TYR: variants seen among roughly 807,000 people sequenced by gnomAD.
TYR encodes tyrosinase, also known as LB24-AB.
TYR carries 58 observed loss-of-function variants against 51.5 expected under a neutral mutation model. The ratio of observed to expected loss-of-function variants is 1.13; its 90% CI spans 0.91 to 1.40. TYR has a LOEUF of 1.40. Ranked by LOEUF, TYR falls within the 40% of genes most tolerant of loss-of-function variation. TYR has a pLI of 0.00. For synonymous variants in TYR, 263 were observed against 235.2 expected, an observed-to-expected ratio of 1.12 and a Z score of -1.08; for missense variants, 732 against 647.4, an observed-to-expected ratio of 1.13 and a Z score of -1.42.
chr11:89,258,744 G>A (rs755626238), intron 3 of TYR, among the ~76,000 whole-genome samples: 1 of 152,012 alleles, frequency 6.6e-6, no homozygotes, highest in Non-Finnish European at 1.5e-5. Context: ...CCTTTGCATA[G>A]GTTCAACAAT....
intron 2 of TYR, among the ~76,000 whole-genome samples, chr11:89,203,414 T>C (rs1399250667): frequency 1.3e-5 from 2 of 152,168 alleles, no homozygotes; most frequent in Non-Finnish European, 2.9e-5. Flanking sequence ...TCAGAGTAGG[T>C]ATCTAAAAGA....
chr11:89,183,475 T>A (rs1943328035), intron 1 of TYR, among the ~76,000 whole-genome samples: 1 of 152,040 alleles, frequency 6.6e-6, no homozygotes, highest in African/African-American at 2.4e-5. Flanking sequence ...TGTGTGCTAA[T>A]AGGAGGATTA....
At position 89,295,135 on chromosome 11, in the gene TYR, T is replaced by G. The variant is rs750626209; in HGVS notation, c.1367-8T>G. ...CAATAAAAACAATGGGATGTCTTTT[T>G]ATTTCAGACCCAGACTCTTTTCAAG... On this transcript the variant is annotated splice_polypyrimidine_tract_variant and splice_region_variant and intron_variant, in intron 4 of 4. Coordinates refer to ENST00000263321, the MANE Select transcript of TYR (RefSeq NM_000372.5). 2.5e-6 allele frequency: 4 copies of G among 1,613,708 alleles called. No individual in the cohort carries two copies. In the East Asian group the frequency reaches 8.9e-5, roughly 36 times the overall value.
intron 2 of TYR, among the ~76,000 whole-genome samples, chr11:89,204,536 A>T (rs1390848248): frequency 6.6e-6 from 1 of 151,748 alleles, no homozygotes; most frequent in Non-Finnish European, 1.5e-5. Context: ...CTCAGATTGC[A>T]GGTGCCCACC....
Position 89,288,887 on chromosome 11 carries a change from AATT to A in TYR, c.1366+3937_1366+3939del, listed in dbSNP as rs202194629. Among the ~76,000 whole-genome samples the A allele has an allele frequency of 7.9e-3, 1,199 of 152,174 alleles. 18 individuals are homozygous for A. The highest frequency in any genetic ancestry group is 0.027 in the African/African-American group (1,137 of 41,554). ...TAGCTAAATTTTAAGCTTACTAAAA[AATT>A]ATTTAAGATTTCTTGATATAATTTT... On this transcript the variant is annotated intron_variant, in intron 4 of 4. Transcript: ENST00000263321.
rs540568715 is a variant in TYR at position 89,291,476 on chromosome 11, G to T, written c.1367-3667G>T. 5.9e-5 allele frequency among the ~76,000 whole-genome samples: 9 copies of T among 151,880 alleles called. No homozygotes were observed. The South Asian group carries it at 1.0e-3, about 18-fold the overall frequency. On this transcript the variant is annotated intron_variant, in intron 4 of 4. Coordinates refer to ENST00000263321, the MANE Select transcript of TYR (RefSeq NM_000372.5). ...TGCTTTCTAATTGTATCAGTAAAAA[G>T]ACTTTTTTTTTATTTTGGAAAATTA...
intron 3 of TYR, among the ~76,000 whole-genome samples, chr11:89,249,645 A>C (rs1236050201): frequency 6.6e-6 from 1 of 152,070 alleles, no homozygotes; most frequent in Non-Finnish European, 1.5e-5. Context: ...AGCAGATTCT[A>C]AACAAAACTT....
At chr11:89,183,996 C>T (rs1943334448) in intron 1 of TYR, among the ~76,000 whole-genome samples, 1 of 152,052 alleles carries the variant, frequency 6.6e-6, no homozygotes, top group Non-Finnish European at 1.5e-5. Flanking sequence ...GCTTAAGTAA[C>T]TTGCCCAAGG....
chr11:89,209,543 A>G (rs532113008), intron 2 of TYR, among the ~76,000 whole-genome samples: 7 of 152,220 alleles, frequency 4.6e-5, no homozygotes, highest in Non-Finnish European at 7.3e-5. Flanking sequence ...ATATCTGAAC[A>G]AAAGGCATCA....
chr11:89,253,718 C>G (rs1330306646), intron 3 of TYR, among the ~76,000 whole-genome samples: 1 of 151,564 alleles, frequency 6.6e-6, no homozygotes, highest in Admixed American at 6.6e-5. Context: ...ATTCTAGGAG[C>G]TTTTTGGAAG....
At chr11:89,179,909 T>C (rs969592967) in intron 1 of TYR, among the ~76,000 whole-genome samples, 1 of 152,306 alleles carries the variant, frequency 6.6e-6, no homozygotes. Context: ...TACAGCACTT[T>C]TGACTAGCAA....
At chr11:89,270,959 T>A (rs1944580968) in intron 3 of TYR, among the ~76,000 whole-genome samples, 2 of 151,764 alleles carry the variant, frequency 1.3e-5, no homozygotes, top group Admixed American at 1.3e-4. Context: ...ATCAAATAAC[T>A]GCAATGCAAT....
chr11:89,278,518 G>C (rs1360824428), intron 3 of TYR, among the ~76,000 whole-genome samples: 1 of 151,540 alleles, frequency 6.6e-6, no homozygotes, highest in African/African-American at 2.4e-5. Flanking sequence ...GTGTGCTCAT[G>C]GTGGTGGTAG....
chr11:89,226,406 C>A (rs1943977480), intron 2 of TYR, among the ~76,000 whole-genome samples: 1 of 152,064 alleles, frequency 6.6e-6, no homozygotes, highest in African/African-American at 2.4e-5. Flanking sequence ...AATTTCTACA[C>A]AGATTAAGTG....
In TYR at chr11:89,191,245, T is replaced by C. The variant is rs1463109821; in HGVS notation, c.863T>C (p.Leu288Ser). 3.7e-6 allele frequency: 6 copies of C among 1,613,508 alleles called. No individual in the cohort carries two copies. Among genetic ancestry groups the C allele is most frequent in the South Asian group, 2.2e-5 (2 of 91,088 alleles). Residue 288 changes from leucine to serine, a missense_variant, in exon 2 of 5, where the codon TTA becomes TCA. Coordinates refer to ENST00000263321, the MANE Select transcript of TYR (RefSeq NM_000372.5). ...GAGGAGTACAACAGCCATCAGTCTT[T>C]ATGCAATGGAACGCCCGAGGGACCT... ...RLEEYNSHQSLCNGTPEGPLR... is the reference protein window; with the variant it reads ...RLEEYNSHQSSCNGTPEGPLR...
intron 2 of TYR, among the ~76,000 whole-genome samples, chr11:89,208,802 T>C (rs548447004): frequency 1.1e-4 from 16 of 152,362 alleles, no homozygotes; most frequent in Admixed American, 2.0e-4. Context: ...TGTTTTTATT[T>C]ATCCACCAGC....
Position 89,227,593 on chromosome 11 carries a change from T to C in TYR, c.1037-230T>C, listed in dbSNP as rs1042470519. 2.6e-5 allele frequency among the ~76,000 whole-genome samples: 4 copies of C among 152,164 alleles called. No homozygotes were observed. In the East Asian group the frequency reaches 7.7e-4, roughly 29 times the overall value. On this transcript the variant is annotated intron_variant, in intron 2 of 4. Coordinates refer to ENST00000263321, the MANE Select transcript of TYR (RefSeq NM_000372.5). ...ACAAATTGGCTCAACCTCTTTTACC[T>C]GGTTAAGCTCTCCATTGTACCCAAA...
At chr11:89,286,988 G>A (rs1944796796) in intron 4 of TYR, among the ~76,000 whole-genome samples, 1 of 151,734 alleles carries the variant, frequency 6.6e-6, no homozygotes, top group Non-Finnish European at 1.5e-5. Context: ...TTTTAAATAT[G>A]CTATTGTTTC....
chr11:89,238,623 G>T (rs1239375894), intron 3 of TYR, among the ~76,000 whole-genome samples: 1 of 152,076 alleles, frequency 6.6e-6, no homozygotes, highest in Admixed American at 6.6e-5. Flanking sequence ...TACAGTATTT[G>T]TTGATTAGTC....
Sources: allele counts gnomAD v4.1 joint callset (sites outside exome capture counted in the v4.1 genomes callset), GRCh38; gene constraint gnomAD v4.1.1; transcripts MANE v1.5; gene names NCBI Gene and HGNC (gene_info 2026-07-23, HGNC 2026-07-21).